Variants in ASPHD2 observed in about 807,000 individuals in gnomAD.
ASPHD2 encodes the protein aspartate beta-hydroxylase domain-containing protein 2.
Under a neutral mutation model 34.6 loss-of-function variants are expected in ASPHD2, and 12 were observed. The ratio of observed to expected loss-of-function variants is 0.35; its 90% CI spans 0.22 to 0.56. ASPHD2 has a LOEUF of 0.56. Among genes scored for constraint, ASPHD2 ranks in the 20% least tolerant of loss-of-function variants. The pLI is 0.87. For missense variants in ASPHD2, 375 were observed against 505.0 expected (o/e 0.74, Z 2.47); for synonymous variants, 224 against 212.2 (o/e 1.06, Z -0.48).
chr22:26,438,436 C>T lies in ASPHD2; in HGVS notation c.886+3935C>T, dbSNP rs572345729. On this transcript the variant is annotated intron_variant, in intron 2 of 3. Coordinates refer to ENST00000215906, the MANE Select transcript of ASPHD2 (RefSeq NM_020437.5). Reference sequence around the variant, plus strand: ...ATATATATACACACAGATATATACACACATACATATATATACATATATATA... The same window carrying T: ...ATATATATACACACAGATATATACATACATACATATATATACATATATATA... Among the ~76,000 whole-genome samples the T allele has an allele frequency of 2.5e-4, 37 of 148,552 alleles. No homozygotes were observed. The South Asian group carries it at 3.7e-3, about 15-fold the overall frequency.
chr22:26,430,095 C>T (rs2084747556), intron 1 of ASPHD2, among the ~76,000 whole-genome samples: 1 of 152,180 alleles, frequency 6.6e-6, no homozygotes, highest in South Asian at 2.1e-4. Context: ...GAGGGAAGGT[C>T]CCCAGGTCTG....
intron 2 of ASPHD2, among the ~76,000 whole-genome samples, chr22:26,441,571 C>T (rs1334354823): frequency 6.7e-6 from 1 of 148,534 alleles, no homozygotes; most frequent in Admixed American, 6.7e-5. Context: ...AAGCAAATCT[C>T]TTGAGGTCAG....
chr22:26,440,968 A>G (rs2084832344), intron 2 of ASPHD2, among the ~76,000 whole-genome samples: 1 of 152,224 alleles, frequency 6.6e-6, no homozygotes, highest in Non-Finnish European at 1.5e-5. Context: ...ACTTTCATAA[A>G]AGGAATCCAT....
intron 2 of ASPHD2, among the ~76,000 whole-genome samples, chr22:26,440,007 G>T (rs1230853826): frequency 1.3e-5 from 2 of 152,180 alleles, no homozygotes; most frequent in Non-Finnish European, 2.9e-5. Flanking sequence ...ACTGGCCCAG[G>T]GTCATTGTGG....
rs2084745557 is a variant in ASPHD2, at chr22:26,429,763, G to T, written c.-225+277G>T. ...TCCTACTCCTCTTCCCTGCCCCATC[G>T]TGGTCCCTTCCTCCATCTCCCTTCT... On this transcript the variant is annotated intron_variant, in intron 1 of 3. Transcript: ENST00000215906. The surrounding 1 kb of genome is among the most constrained non-coding windows in gnomAD (Gnocchi z 4.5). Among the ~76,000 whole-genome samples, 1 of 151,900 alleles carries T rather than the reference G, an allele frequency of 6.6e-6. No individual in the cohort carries two copies. The highest frequency in any genetic ancestry group is 1.5e-5 in the Non-Finnish European group (1 of 67,926).
chr22:26,435,735 G>GAAAAGAA (rs1207539903), intron 2 of ASPHD2, among the ~76,000 whole-genome samples: 12 of 132,986 alleles, frequency 9.0e-5, no homozygotes, highest in African/African-American at 3.4e-4. Context: ...GAAAAGAAAA[G>GAAAAGAA]AAAAGAAAAG....
At chr22:26,435,420 A>T (rs189070296) in intron 2 of ASPHD2, among the ~76,000 whole-genome samples, 146 of 152,350 alleles carry the variant, frequency 9.6e-4, no homozygotes, top group African/African-American at 3.4e-3. Flanking sequence ...ACCGGTTAGT[A>T]TCTCAGATTA....
intron 1 of ASPHD2, among the ~76,000 whole-genome samples, chr22:26,430,555 C>G (rs1170710807): frequency 6.6e-6 from 1 of 152,174 alleles, no homozygotes; most frequent in East Asian, 1.9e-4. Context: ...AAGGAGCTGT[C>G]GGGGGAGAGA....
At chr22:26,439,410 TAATA>T (rs1380548757) in intron 2 of ASPHD2, among the ~76,000 whole-genome samples, 2 of 151,978 alleles carry the variant, frequency 1.3e-5, no homozygotes, top group Non-Finnish European at 2.9e-5. Context: ...AAAAAAATAA[TAATA>T]AATAAAGAAA....
chr22:26,443,409 G>A lies in ASPHD2; in HGVS notation c.*203G>A. 3.8e-6 allele frequency: 2 copies of A among 527,720 alleles called. No individual in the cohort carries two copies. The allele number at this position is 527,720 out of a possible 1,614,324, so 32.7% of individuals were successfully genotyped here. A position where few individuals can be genotyped will look rare whatever the true frequency, so the allele number is the denominator to read the frequency against. ...AAACTTTTCGGCTTGTATTTCCTTAGATTTTTTTTTTTTCCTTCCAATCAT... is the reference window on the plus strand; with the variant it reads ...AAACTTTTCGGCTTGTATTTCCTTAAATTTTTTTTTTTTCCTTCCAATCAT... On this transcript the variant is annotated 3_prime_UTR_variant, in exon 4 of 4. Transcript: ENST00000215906.
chr22:26,431,377 T>C (rs1175715816), intron 1 of ASPHD2, among the ~76,000 whole-genome samples: 1 of 151,182 alleles, frequency 6.6e-6, no homozygotes, highest in East Asian at 1.9e-4. Context: ...CCTTTTCCTC[T>C]TCTCCTGAAT....
chr22:26,431,970 C>T (rs2084759394), intron 1 of ASPHD2, among the ~76,000 whole-genome samples: 1 of 152,130 alleles, frequency 6.6e-6, no homozygotes, highest in Admixed American at 6.5e-5. Flanking sequence ...CTGAGGTGGA[C>T]GGATCACCTG....
chr22:26,433,636 A>G lies in ASPHD2; in HGVS notation c.21A>G (p.Gly7=), dbSNP rs149708798. Residue 7 remains glycine, a synonymous_variant, in exon 2 of 4, where the codon GGA becomes GGG. Coordinates refer to ENST00000215906, the MANE Select transcript of ASPHD2 (RefSeq NM_020437.5). The surrounding 1 kb of genome is among the most constrained non-coding windows in gnomAD (Gnocchi z 5.1). MVWAPL[G]PPRTDCLTLL... is the part of the protein sequence containing the mutation. ...TCTGCATGGTGTGGGCGCCCTTGGG[A>G]CCCCCGAGGACTGATTGTCTGACCT... 3 of 1,612,580 alleles carry G rather than the reference A, an allele frequency of 1.9e-6. No individual in the cohort carries two copies. The highest frequency in any genetic ancestry group is 2.5e-6 in the Non-Finnish European group (3 of 1,179,524).
intron 2 of ASPHD2, 74 bp downstream of exon 2, chr22:26,434,575 A>C: frequency 1.4e-6 from 2 of 1,470,526 alleles, no homozygotes; most frequent in Non-Finnish European, 1.8e-6. Flanking sequence ...AACATCGCGA[A>C]AGCTCAAATG....
At position 26,444,547 on chromosome 22, in the gene ASPHD2, C is replaced by A. The variant is rs1878506928; in HGVS notation, c.*1341C>A. The A allele has an allele frequency of 6.6e-6, 1 of 152,226 alleles. No individual in the cohort carries two copies. Among genetic ancestry groups the A allele is most frequent in the African/African-American group, 2.4e-5 (1 of 41,462 alleles). The allele number at this position is 152,226 out of a possible 1,614,324, so 9.4% of individuals were successfully genotyped here. On this transcript the variant is annotated 3_prime_UTR_variant, in exon 4 of 4. Transcript: ENST00000215906. Reference sequence around the variant, plus strand: ...GATGTGTGAAAGCGTAGCCGGCCAGCCACACTAGAGATGCCTTTTCTGAAT... The same window carrying A: ...GATGTGTGAAAGCGTAGCCGGCCAGACACACTAGAGATGCCTTTTCTGAAT...
Position 26,443,493 on chromosome 22 carries a change from A to C in ASPHD2, c.*287A>C. Reference sequence around the variant, plus strand: ...CATTCCTTTGATTGGTCCTTGAGTGACCAGAGACTTAGTGCCCTTGTAAGT... The same window carrying C: ...CATTCCTTTGATTGGTCCTTGAGTGCCCAGAGACTTAGTGCCCTTGTAAGT... On this transcript the variant is annotated 3_prime_UTR_variant, in exon 4 of 4. Coordinates refer to ENST00000215906, the MANE Select transcript of ASPHD2 (RefSeq NM_020437.5). The C allele has an allele frequency of 3.4e-6, 1 of 291,364 alleles. No individual in the cohort carries two copies. Among genetic ancestry groups the C allele is most frequent in the Non-Finnish European group, 6.5e-6 (1 of 154,922 alleles). The allele number at this position is 291,364 out of a possible 1,614,324, so 18.0% of individuals were successfully genotyped here.
chr22:26,438,873 G>C lies in ASPHD2; in HGVS notation c.887-3586G>C, dbSNP rs370594411. On this transcript the variant is annotated intron_variant, in intron 2 of 3. Transcript: ENST00000215906. ...ACTGGAGAAAGATACAGGCTGGGAG[G>C]CTAGGCCAGTCTCACTTTTTTATGT... is the stretch of plus-strand genomic sequence containing the variant. Among the ~76,000 whole-genome samples, 400 of 152,100 alleles carry C rather than the reference G, an allele frequency of 2.6e-3. 2 individuals carry two copies. Among genetic ancestry groups the C allele is most frequent in the African/African-American group, 9.2e-3 (381 of 41,468 alleles).
intron 3 of ASPHD2, 73 bp from the exon 4 acceptor site, chr22:26,443,024 A>C: frequency 8.8e-7 from 1 of 1,138,512 alleles, no homozygotes; most frequent in South Asian, 1.2e-5. Context: ...CGTAGGGTCC[A>C]GCCCTGCCTG....
At chr22:26,440,487 A>T (rs1385229079) in intron 2 of ASPHD2, among the ~76,000 whole-genome samples, 1 of 151,816 alleles carries the variant, frequency 6.6e-6, no homozygotes, top group Admixed American at 6.6e-5. Flanking sequence ...GTCTGCCACC[A>T]TGCCTGGCTC....
Sources: gnomAD v4.1 joint callset for allele counts (sites outside exome capture counted in the v4.1 genomes callset) on GRCh38, gnomAD v4.1.1 for gene constraint, Gnocchi (gnomAD v3.1) non-coding constraint, MANE v1.5 for transcripts, NCBI Gene and HGNC (gene_info 2026-07-23, HGNC 2026-07-21) for gene names.